STXBP5L: variants seen among roughly 807,000 people sequenced by gnomAD.
The protein encoded by STXBP5L is syntaxin-binding protein 5-like.
In STXBP5L, 65 loss-of-function variants were observed where a neutral mutation model predicts 144.5. The ratio of observed to expected loss-of-function variants is 0.45; its 90% confidence interval spans 0.37 to 0.55. The LOEUF is 0.55. STXBP5L is among the 20% of genes least tolerant of loss of function. The probability of loss-of-function intolerance (pLI) is 0.00; values close to 1 mark genes in which losing one functional copy is unlikely to be tolerated. For synonymous variants in STXBP5L, 505 were observed against 469.6 expected, an observed-to-expected ratio of 1.08 and a Z score of -0.97; for missense variants, 1,298 against 1,405.5, an observed-to-expected ratio of 0.92 and a Z score of 1.22.
chr3:121,263,476 G>A (rs975247106), intron 18 of STXBP5L, among the ~76,000 whole-genome samples: 9 of 152,178 alleles, frequency 5.9e-5, no homozygotes, highest in East Asian at 5.8e-4. Flanking sequence ...TGAGTTTGAC[G>A]AATTGACAGA....
At chr3:121,071,074 C>T (rs967017258) in intron 5 of STXBP5L, among the ~76,000 whole-genome samples, 2 of 152,150 alleles carry the variant, frequency 1.3e-5, no homozygotes, top group Non-Finnish European at 2.9e-5. Flanking sequence ...CACACCTTTT[C>T]TGGACCAGGC....
chr3:121,065,920 C>T (rs1280792387), intron 5 of STXBP5L, among the ~76,000 whole-genome samples: 1 of 152,102 alleles, frequency 6.6e-6, no homozygotes, highest in Admixed American at 6.6e-5. Flanking sequence ...GCTGTTTGGC[C>T]AGAGGTGATC....
At chr3:121,091,952 A>T (rs1465137288) in intron 5 of STXBP5L, among the ~76,000 whole-genome samples, 1 of 152,080 alleles carries the variant, frequency 6.6e-6, no homozygotes, top group Non-Finnish European at 1.5e-5. Context: ...TAATTTTTGT[A>T]TAAGGTGTAA....
At chr3:121,134,512 G>A (rs924513841) in intron 7 of STXBP5L, among the ~76,000 whole-genome samples, 10 of 151,960 alleles carry the variant, frequency 6.6e-5, no homozygotes, top group African/African-American at 1.2e-4. Context: ...CCATTAACTC[G>A]TCATTTAACA....
intron 2 of STXBP5L, among the ~76,000 whole-genome samples, chr3:120,921,969 A>G (rs1435112318): frequency 6.6e-6 from 1 of 151,918 alleles, no homozygotes; most frequent in Non-Finnish European, 1.5e-5. Flanking sequence ...TTTCATATAA[A>G]TTTTAGGATT....
chr3:121,106,177 G>T (rs756164832), intron 5 of STXBP5L, among the ~76,000 whole-genome samples: 2 of 151,696 alleles, frequency 1.3e-5, no homozygotes, highest in African/African-American at 2.4e-5. Context: ...TGCTTGTTTT[G>T]TCTCTCCTGT....
intron 3 of STXBP5L, among the ~76,000 whole-genome samples, chr3:120,966,054 T>A (rs1482494399): frequency 6.6e-6 from 1 of 152,194 alleles, no homozygotes; most frequent in African/African-American, 2.4e-5. Flanking sequence ...ATACCCTTTC[T>A]TCCACTTGAT....
chr3:121,401,554 C>T (rs1205059430), intron 22 of STXBP5L, among the ~76,000 whole-genome samples: 3 of 143,758 alleles, frequency 2.1e-5, no homozygotes, highest in African/African-American at 5.2e-5. Flanking sequence ...CCATGGAATA[C>T]TATACAGCCA....
intron 6 of STXBP5L, among the ~76,000 whole-genome samples, chr3:121,115,495 T>C (rs528164458): frequency 6.6e-6 from 1 of 152,286 alleles, no homozygotes; most frequent in East Asian, 1.9e-4. Flanking sequence ...TTAGGTTACG[T>C]TATACATAGG....
chr3:121,039,496 G>T (rs1946991906), intron 3 of STXBP5L, among the ~76,000 whole-genome samples: 2 of 151,520 alleles, frequency 1.3e-5, no homozygotes. Flanking sequence ...AAGATAACTT[G>T]TATTTTATAT....
chr3:121,167,119 T>C (rs531704604), intron 9 of STXBP5L, among the ~76,000 whole-genome samples: 10 of 152,062 alleles, frequency 6.6e-5, no homozygotes, highest in Admixed American at 4.6e-4. Context: ...GAAGCAAGCA[T>C]TGAAAATAGA....
At chr3:121,327,273 G>C (rs1432730206) in intron 20 of STXBP5L, among the ~76,000 whole-genome samples, 3 of 152,096 alleles carry the variant, frequency 2.0e-5, no homozygotes, top group Non-Finnish European at 4.4e-5. Context: ...TTTTTATTTA[G>C]GGTTAAGCAT....
At chr3:121,146,737 G>T (rs1362813634) in intron 7 of STXBP5L, among the ~76,000 whole-genome samples, 1 of 151,966 alleles carries the variant, frequency 6.6e-6, no homozygotes, top group Non-Finnish European at 1.5e-5. Flanking sequence ...ACTTTTTTAA[G>T]GATAATATTT....
intron 22 of STXBP5L, among the ~76,000 whole-genome samples, chr3:121,395,222 A>C (rs996805863): frequency 2.0e-5 from 3 of 152,216 alleles, no homozygotes; most frequent in African/African-American, 7.2e-5. Context: ...AGGTATTTGC[A>C]ATTTTACATC....
At chr3:121,158,188 G>A (rs1459575912) in intron 9 of STXBP5L, 2 of 152,188 alleles carry the variant, frequency 1.3e-5, no homozygotes, top group Non-Finnish European at 2.9e-5. Flanking sequence ...TATTGGATCT[G>A]TATACCTAAT....
chr3:121,076,894 A>C (rs2042041027), intron 5 of STXBP5L, among the ~76,000 whole-genome samples: 1 of 151,954 alleles, frequency 6.6e-6, no homozygotes, highest in Non-Finnish European at 1.5e-5. Flanking sequence ...GGAGGTTTTG[A>C]TACTACTTAG....
At chr3:120,957,831 A>G (rs1490052627) in intron 3 of STXBP5L, among the ~76,000 whole-genome samples, 2 of 152,200 alleles carry the variant, frequency 1.3e-5, no homozygotes, top group Non-Finnish European at 2.9e-5. Context: ...TGATGCCTTA[A>G]CATCACAATT....
chr3:121,198,259 T>C (rs1358517520), intron 9 of STXBP5L, among the ~76,000 whole-genome samples: 2 of 152,262 alleles, frequency 1.3e-5, no homozygotes, highest in African/African-American at 4.8e-5. Flanking sequence ...ATGAACCTTT[T>C]TTCATATCTT....
At chr3:121,030,615 A>T (rs2107504137) in intron 3 of STXBP5L, among the ~76,000 whole-genome samples, 1 of 152,232 alleles carries the variant, frequency 6.6e-6, no homozygotes, top group Admixed American at 6.5e-5. Context: ...CCACCATGGC[A>T]CGTGTATACC....
Sources: gnomAD v4.1 joint callset for allele counts (sites outside exome capture counted in the v4.1 genomes callset) on GRCh38, gnomAD v4.1.1 for gene constraint, MANE v1.5 for transcripts, NCBI Gene and HGNC (gene_info 2026-07-23, HGNC 2026-07-21) for gene names.